GDAP2: variants seen among roughly 807,000 people sequenced by gnomAD.
The protein encoded by GDAP2 is ganglioside-induced differentiation-associated protein 2.
GDAP2 carries 51 observed loss-of-function variants against 67.0 expected under a neutral mutation model. The observed-to-expected ratio is 0.76, with a 90% CI of 0.61 to 0.96. GDAP2 has a LOEUF of 0.96. Ranked by LOEUF, GDAP2 falls within the 40% of genes least tolerant of loss-of-function variation. The probability of loss-of-function intolerance (pLI) is 0.00; values close to 1 mark genes in which losing one functional copy is unlikely to be tolerated. For synonymous variants in GDAP2, 203 were observed against 207.3 expected, an observed-to-expected ratio of 0.98 and a Z score of 0.18; for missense variants, 547 against 588.3, an observed-to-expected ratio of 0.93 and a Z score of 0.73.
chr1:117,926,082 C>T (rs541702471), intron 1 of GDAP2, among the ~76,000 whole-genome samples: 1 of 152,314 alleles, frequency 6.6e-6, no homozygotes, highest in East Asian at 1.9e-4. Context: ...TCTTCTACTT[C>T]ATTTCTTCTT....
At chr1:117,888,545 G>T (rs1648949339) in intron 8 of GDAP2, among the ~76,000 whole-genome samples, 1 of 152,100 alleles carries the variant, frequency 6.6e-6, no homozygotes, top group African/African-American at 2.4e-5. Flanking sequence ...TTGCACTCAG[G>T]TCTCTAGATT....
intron 8 of GDAP2, chr1:117,896,555 G>C (rs746778176): frequency 3.8e-6 from 1 of 260,938 alleles, no homozygotes; most frequent in Non-Finnish European, 7.2e-6. Flanking sequence ...TATAAACCTC[G>C]CATGGAGGCA....
rs567788962 is a variant in GDAP2, at chr1:117,911,766, A to C, written c.559+228T>G. On this transcript the variant is annotated intron_variant, in intron 5 of 13. Coordinates refer to ENST00000369443, the MANE Select transcript of GDAP2 (RefSeq NM_017686.4). The stretch of plus-strand genomic sequence containing the variant: ...ACTATTTAATGATTAAAAAAAAAAA[A>C]AACCTTTTTTTTTTGAGATGAGGTC... 1.1e-4 allele frequency among the ~76,000 whole-genome samples: 16 copies of C among 151,960 alleles called. No homozygotes were observed. In the East Asian group the frequency reaches 1.9e-3, roughly 18 times the overall value.
In GDAP2 at chr1:117,865,102, T is replaced by A. The variant is rs1648015641; in HGVS notation, c.*5467A>T. ...TCTGAATCTCCATTTAATAATATCC[T>A]CAGCTGATTTGATACATGCACATGA... On this transcript the variant is annotated 3_prime_UTR_variant, in exon 14 of 14. Transcript: ENST00000369443. The A allele has an allele frequency of 6.6e-6, 1 of 152,160 alleles. No individual in the cohort carries two copies. Among genetic ancestry groups the A allele is most frequent in the South Asian group, 2.1e-4 (1 of 4,830 alleles). The allele number at this position is 152,160 out of a possible 1,614,324, so 9.4% of individuals were successfully genotyped here.
intron 8 of GDAP2, among the ~76,000 whole-genome samples, chr1:117,891,395 A>T (rs1432793774): frequency 6.6e-6 from 1 of 152,022 alleles, no homozygotes; most frequent in Non-Finnish European, 1.5e-5. Context: ...TACTTCTATA[A>T]GAAGCATATG....
chr1:117,875,223 T>G (rs533191129), intron 13 of GDAP2, among the ~76,000 whole-genome samples: 19 of 152,130 alleles, frequency 1.2e-4, no homozygotes, highest in Non-Finnish European at 2.8e-4. Context: ...GAAGACAGAA[T>G]GGTTTGGGAG....
chr1:117,879,298 G>A (rs1048879503), intron 12 of GDAP2, among the ~76,000 whole-genome samples: 1 of 152,104 alleles, frequency 6.6e-6, no homozygotes, highest in African/African-American at 2.4e-5. Context: ...CACTTGGGTA[G>A]GCAGAAGTCC....
At chr1:117,881,966 G>C (rs993142239) in intron 11 of GDAP2, 89 bp from the exon 12 acceptor site, 17 of 712,460 alleles carry the variant, frequency 2.4e-5, no homozygotes, top group Admixed American at 1.8e-4. Context: ...ATTTGCCTGA[G>C]TATATAAATA....
intron 8 of GDAP2, among the ~76,000 whole-genome samples, chr1:117,892,112 A>G (rs1251169221): frequency 6.6e-6 from 1 of 152,096 alleles, no homozygotes; most frequent in Non-Finnish European, 1.5e-5. Context: ...GTTTCTAAGG[A>G]CCATGCAACA....
chr1:117,873,983 G>T (rs1648375577), intron 13 of GDAP2, among the ~76,000 whole-genome samples: 1 of 151,912 alleles, frequency 6.6e-6, no homozygotes, highest in Non-Finnish European at 1.5e-5. Flanking sequence ...CATTCTCTGT[G>T]CTGTTTCTAC....
chr1:117,901,690 AT>A (rs113776728), intron 6 of GDAP2, among the ~76,000 whole-genome samples: 10 of 150,814 alleles, frequency 6.6e-5, no homozygotes, highest in African/African-American at 1.5e-4. Context: ...ATTATGTTTA[AT>A]TTTTTTTTTC....
chr1:117,899,540 A>G (rs1649376595), intron 6 of GDAP2, among the ~76,000 whole-genome samples: 1 of 152,200 alleles, frequency 6.6e-6, no homozygotes, highest in Non-Finnish European at 1.5e-5. Context: ...GACTTGGCTC[A>G]GATGCTAGCT....
intron 12 of GDAP2, among the ~76,000 whole-genome samples, chr1:117,880,003 C>G (rs1648596548): frequency 6.6e-6 from 1 of 152,000 alleles, no homozygotes; most frequent in Non-Finnish European, 1.5e-5. Context: ...CAGGGCAAGA[C>G]CCCATCTCTA....
intron 13 of GDAP2, among the ~76,000 whole-genome samples, chr1:117,875,578 C>T (rs1019845540): frequency 2.6e-5 from 4 of 152,188 alleles, no homozygotes; most frequent in Admixed American, 6.5e-5. Context: ...GAATTTCAGC[C>T]TGGAAAAACC....
rs182246267 is a variant in GDAP2 at position 117,907,505 on chromosome 1, G to A, written c.560-923C>T. ...CAAATCCTGACCGCCATCTTTTTCC[G>A]AACAAACCTGGTCCTTTTTACCTAC... On this transcript the variant is annotated intron_variant, in intron 5 of 13. Coordinates refer to ENST00000369443, the MANE Select transcript of GDAP2 (RefSeq NM_017686.4). Among the ~76,000 whole-genome samples, 537 of 152,122 alleles carry A rather than the reference G, an allele frequency of 3.5e-3. 3 individuals carry two copies. Among genetic ancestry groups the A allele is most frequent in the African/African-American group, 0.012 (502 of 41,498 alleles).
Position 117,865,585 on chromosome 1 carries a change from G to A in GDAP2, c.*4984C>T, listed in dbSNP as rs1421208126. 1 of 151,334 alleles carries A rather than the reference G, an allele frequency of 6.6e-6. No individual in the cohort carries two copies. Among genetic ancestry groups the A allele is most frequent in the Non-Finnish European group, 1.5e-5 (1 of 67,858 alleles). The allele number at this position is 151,334 out of a possible 1,614,324, so 9.4% of individuals were successfully genotyped here. A position where few individuals can be genotyped will look rare whatever the true frequency, so the allele number is the denominator to read the frequency against. ...GTGATGACTGTGTGCTTACGTTAAC[G>A]AAACACATTACAAAAAAAAAAGGTA... On this transcript the variant is annotated 3_prime_UTR_variant, in exon 14 of 14. Transcript: ENST00000369443.
At chr1:117,924,208 G>A (rs1650364284) in intron 1 of GDAP2, among the ~76,000 whole-genome samples, 1 of 152,162 alleles carries the variant, frequency 6.6e-6, no homozygotes, top group African/African-American at 2.4e-5. Flanking sequence ...CAGGGGTCTG[G>A]TGTACAGATT....
At chr1:117,898,469 T>C (rs1184208726) in intron 7 of GDAP2, among the ~76,000 whole-genome samples, 1 of 152,174 alleles carries the variant, frequency 6.6e-6, no homozygotes, top group Admixed American at 6.5e-5. Flanking sequence ...AGTAATTCCC[T>C]AAACTGCTGG....
chr1:117,889,365 T>C (rs908900395), intron 8 of GDAP2, among the ~76,000 whole-genome samples: 6 of 152,078 alleles, frequency 3.9e-5, no homozygotes, highest in African/African-American at 1.4e-4. Context: ...AATTTTCGGG[T>C]ATACAACACA....
Sources: gnomAD v4.1 joint callset for allele counts (sites outside exome capture counted in the v4.1 genomes callset) on GRCh38, gnomAD v4.1.1 for gene constraint, MANE v1.5 for transcripts, NCBI Gene and HGNC (gene_info 2026-07-23, HGNC 2026-07-21) for gene names.